The following NRXN3 variants were observed in gnomAD, a reference collection of about 807,000 sequenced individuals.
NRXN3 encodes the protein neurexin 3.
In NRXN3, 32 loss-of-function variants were observed where a neutral mutation model predicts 137.6. The observed-to-expected ratio is 0.23, with a 90% CI of 0.18 to 0.31. The LOEUF (loss-of-function observed/expected upper bound fraction) is 0.31. NRXN3 is among the 10% of genes least tolerant of loss of function. The pLI is 1.00. For synonymous variants in NRXN3, 798 were observed against 784.5 expected (o/e 1.02, Z -0.29); for missense variants, 1,574 against 2,062.5 (o/e 0.76, Z 4.59).
intron 19 of NRXN3, among the ~76,000 whole-genome samples, chr14:79,755,154 C>T (rs1446802793): frequency 1.3e-5 from 2 of 152,044 alleles, no homozygotes; most frequent in African/African-American, 4.8e-5. Flanking sequence ...CAAGATGACC[C>T]ATTTCTCATT....
At chr14:79,232,271 T>C (rs1184998358) in intron 15 of NRXN3, among the ~76,000 whole-genome samples, 1 of 152,038 alleles carries the variant, frequency 6.6e-6, no homozygotes, top group Non-Finnish European at 1.5e-5. Context: ...CGTGTGTGTG[T>C]GTGTATGTGT....
At chr14:78,665,408 C>A (rs2097876048) in intron 6 of NRXN3, among the ~76,000 whole-genome samples, 1 of 152,156 alleles carries the variant, frequency 6.6e-6, no homozygotes, top group Non-Finnish European at 1.5e-5. Flanking sequence ...CCTTATAAAA[C>A]CATCAGATCT....
At chr14:79,244,763 G>C (rs1247926738) in intron 15 of NRXN3, among the ~76,000 whole-genome samples, 1 of 152,030 alleles carries the variant, frequency 6.6e-6, no homozygotes, top group African/African-American at 2.4e-5. Flanking sequence ...AATTATTTCA[G>C]TTACTGGAGA....
At chr14:78,788,520 A>G (rs2098795931) in intron 8 of NRXN3, among the ~76,000 whole-genome samples, 1 of 152,152 alleles carries the variant, frequency 6.6e-6, no homozygotes, top group South Asian at 2.1e-4. Flanking sequence ...AAGGATGAGA[A>G]TGAGATCTGG....
At chr14:79,782,284 A>G (rs761907971) in intron 19 of NRXN3, among the ~76,000 whole-genome samples, 3 of 152,172 alleles carry the variant, frequency 2.0e-5, no homozygotes, top group South Asian at 2.1e-4. Flanking sequence ...CCAGAAGTCT[A>G]TTACTTTTCC....
At chr14:78,856,640 C>T (rs2099057870) in intron 10 of NRXN3, among the ~76,000 whole-genome samples, 2 of 152,040 alleles carry the variant, frequency 1.3e-5, no homozygotes, top group African/African-American at 4.8e-5. Flanking sequence ...TTGTAGACTT[C>T]TAAAGTCTTC....
At chr14:79,243,894 C>CA (rs1165696832) in intron 15 of NRXN3, among the ~76,000 whole-genome samples, 1 of 151,784 alleles carries the variant, frequency 6.6e-6, no homozygotes. Flanking sequence ...TTCCAAGTGA[C>CA]AAAAAAAATC....
intron 6 of NRXN3, among the ~76,000 whole-genome samples, chr14:78,692,607 T>C (rs1419565458): frequency 6.6e-6 from 1 of 152,166 alleles, no homozygotes; most frequent in Non-Finnish European, 1.5e-5. Context: ...AGCCTCATAG[T>C]TTCAAGGGTG....
At chr14:79,416,761 A>G (rs2095502709) in intron 15 of NRXN3, among the ~76,000 whole-genome samples, 1 of 152,166 alleles carries the variant, frequency 6.6e-6, no homozygotes. Flanking sequence ...TTCTATGCAG[A>G]TTTCATTAAT....
chr14:79,824,367 C>G (rs2099284477), intron 20 of NRXN3, among the ~76,000 whole-genome samples: 1 of 150,200 alleles, frequency 6.7e-6, no homozygotes, highest in Admixed American at 6.7e-5. Flanking sequence ...ATGCAGCAGT[C>G]TCTTTAGTCA....
intron 19 of NRXN3, among the ~76,000 whole-genome samples, chr14:79,765,344 T>G (rs2099052417): frequency 6.6e-6 from 1 of 151,990 alleles, no homozygotes; most frequent in Non-Finnish European, 1.5e-5. Context: ...TCTTGCAAAC[T>G]CTGCATAAAA....
intron 6 of NRXN3, among the ~76,000 whole-genome samples, chr14:78,701,536 A>G (rs1041738977): frequency 3.3e-5 from 5 of 152,070 alleles, no homozygotes; most frequent in African/African-American, 9.7e-5. Flanking sequence ...TGCTACTTCA[A>G]CGTCAGTTTC....
chr14:79,019,878 G>A (rs1456176926), intron 15 of NRXN3, among the ~76,000 whole-genome samples: 1 of 152,144 alleles, frequency 6.6e-6, no homozygotes, highest in African/African-American at 2.4e-5. Flanking sequence ...ACTGTAACCA[G>A]AGAGAGAAAT....
chr14:79,384,432 C>G (rs1269058895), intron 15 of NRXN3, among the ~76,000 whole-genome samples: 1 of 152,134 alleles, frequency 6.6e-6, no homozygotes, highest in Non-Finnish European at 1.5e-5. Flanking sequence ...TTGAAATCCA[C>G]TCTTTCTAAA....
chr14:78,277,891 G>A (rs1301164612), intron 2 of NRXN3, among the ~76,000 whole-genome samples: 4 of 152,172 alleles, frequency 2.6e-5, no homozygotes, highest in Admixed American at 6.5e-5. Flanking sequence ...GTGTTTATTC[G>A]TAGTTGTCAA....
chr14:78,230,502 C>T (rs374844206), intron 1 of NRXN3, among the ~76,000 whole-genome samples: 1 of 152,140 alleles, frequency 6.6e-6, no homozygotes, highest in Non-Finnish European at 1.5e-5. Context: ...CTGGGGAATG[C>T]TAGCTGTGTC....
chr14:78,852,518 G>C (rs961483473), intron 10 of NRXN3, among the ~76,000 whole-genome samples: 1 of 152,098 alleles, frequency 6.6e-6, no homozygotes, highest in African/African-American at 2.4e-5. Context: ...TCTGAGTTCT[G>C]AATCAACCTA....
intron 4 of NRXN3, among the ~76,000 whole-genome samples, chr14:78,624,737 A>G (rs1291304506): frequency 6.7e-6 from 1 of 148,332 alleles, no homozygotes; most frequent in Non-Finnish European, 1.5e-5. Flanking sequence ...ATGGGGTGGG[A>G]GCCCTGGCTC....
intron 4 of NRXN3, among the ~76,000 whole-genome samples, chr14:78,613,428 C>T (rs2097316572): frequency 6.6e-6 from 1 of 151,962 alleles, no homozygotes; most frequent in Non-Finnish European, 1.5e-5. Flanking sequence ...CATTTTTATT[C>T]ATTATTCAAA....
Sources: gnomAD v4.1 joint callset for allele counts (sites outside exome capture counted in the v4.1 genomes callset) on GRCh38, gnomAD v4.1.1 for gene constraint, MANE v1.5 for transcripts, NCBI Gene and HGNC (gene_info 2026-07-23, HGNC 2026-07-21) for gene names.